Variants in MYCBPAP observed in about 807,000 individuals in gnomAD.
MYCBPAP encodes the protein MYCBP-associated protein.
MYCBPAP carries 60 observed loss-of-function variants against 106.1 expected under a neutral mutation model. The observed-to-expected ratio is 0.57, with a 90% CI of 0.46 to 0.70. The LOEUF (loss-of-function observed/expected upper bound fraction) is 0.70, where lower values mean the gene tolerates loss of function less well. MYCBPAP is among the 30% of genes least tolerant of loss of function. MYCBPAP has a pLI of 0.00. For synonymous variants in MYCBPAP, 407 were observed against 440.6 expected (o/e 0.92, Z 0.95); for missense variants, 1,064 against 1,169.3 (o/e 0.91, Z 1.31).
At chr17:50,516,725 C>T (rs761249140) in intron 2 of MYCBPAP, 28 bp downstream of exon 2, 5 of 1,612,550 alleles carry the variant, frequency 3.1e-6, no homozygotes, top group Non-Finnish European at 4.2e-6. Flanking sequence ...GCTTCCCTTA[C>T]CATAGAAACG....
chr17:50,521,798 C>T (rs867137926), intron 9 of MYCBPAP, among the ~76,000 whole-genome samples, 175 bp from the exon 10 acceptor site: 1 of 152,188 alleles, frequency 6.6e-6, no homozygotes. Flanking sequence ...TTCTAAGAAT[C>T]TCCCATCTAC....
chr17:50,525,225 T>C (rs892365966), intron 13 of MYCBPAP: 3 of 571,878 alleles, frequency 5.2e-6, no homozygotes, highest in African/African-American at 3.8e-5. Context: ...GGATGGAAAT[T>C]GTACACTCCT....
chr17:50,519,315 T>C, intron 6 of MYCBPAP: 1 of 585,772 alleles, frequency 1.7e-6, no homozygotes, highest in Non-Finnish European at 3.0e-6. Context: ...GTTATTAGAG[T>C]AGTCTTAGTG....
Position 50,524,889 on chromosome 17 carries a change from GC to G in MYCBPAP, c.1651del (p.His551MetfsTer15), listed in dbSNP as rs1215140407. On this transcript the variant is annotated frameshift_variant, in exon 13 of 19. Transcript: ENST00000323776. LOFTEE classifies it high-confidence loss of function. ...ERKVLESKLTAHEAVTVVREV... is the reference protein window; with the variant it reads ...ERKVLESKLTXHEAVTVVREV... The stretch of plus-strand genomic sequence containing the variant: ...TTCCCTTTTGCAGAGCAAGCTGACT[GC>G]CCATGAGGCAGTCACCGTCGTTCGC... 1 of 1,613,806 alleles carries G rather than the reference GC, an allele frequency of 6.2e-7. No homozygotes were observed. The highest frequency in any genetic ancestry group is 8.5e-7 in the Non-Finnish European group (1 of 1,179,930).
At chr17:50,514,043 T>G (rs1162907005) in intron 1 of MYCBPAP, among the ~76,000 whole-genome samples, 1 of 152,230 alleles carries the variant, frequency 6.6e-6, no homozygotes, top group African/African-American at 2.4e-5. Context: ...ATTTATTATT[T>G]TTTCTAATAG....
At chr17:50,518,395 C>T in intron 4 of MYCBPAP, 146 bp from the exon 5 acceptor site, 2 of 612,310 alleles carry the variant, frequency 3.3e-6, no homozygotes, top group East Asian at 6.0e-5. Context: ...GATTTATTTT[C>T]TGTCACTGGC....
In MYCBPAP at chr17:50,517,432, C is replaced by T. The variant is rs2034092670; in HGVS notation, c.344C>T (p.Thr115Ile). ...CGTCCTGCGAATCCTGATGAAGCCA[C>T]AAAGCCTCTGGACTACTCCGGTACA... ...VARPANPDEA[T>I]KPLDYSGPGD... Residue 115 changes from threonine to isoleucine, a missense_variant, in exon 3 of 19, where the codon ACA becomes ATA. Thr to Ile is a moderately conservative substitution (Grantham distance 89). Coordinates refer to ENST00000323776, the MANE Select transcript of MYCBPAP (RefSeq NM_032133.6). The T allele has an allele frequency of 8.1e-6, 13 of 1,614,094 alleles. No homozygotes were observed. Among genetic ancestry groups the T allele is most frequent in the Non-Finnish European group, 1.1e-5 (13 of 1,180,036 alleles).
In MYCBPAP at chr17:50,519,734, T is replaced by G. The variant is rs2034189508; in HGVS notation, c.863T>G (p.Leu288Arg). 1 of 1,613,978 alleles carries G rather than the reference T, an allele frequency of 6.2e-7. No individual in the cohort carries two copies. The highest frequency in any genetic ancestry group is 1.1e-5 in the South Asian group (1 of 91,056). ...VMTKTKTQRGLMEPITHIRKP... is the reference protein window; with the variant it reads ...VMTKTKTQRGRMEPITHIRKP... ...ACCAAGACAAAAACTCAGCGTGGCC[T>G]CATGGAGCCCATCACTCACATCAGG... The change falls in exon 7 of 19, where the codon CTC (leucine) becomes CGC (arginine). Residue 288 changes from leucine (L) to arginine (R), a missense_variant. By Grantham distance (102) the Leu-to-Arg change is moderately radical (BLOSUM62 -2). Transcript: ENST00000323776.
At position 50,521,231 on chromosome 17, in the gene MYCBPAP, T is replaced by C. The variant is rs2034247844; in HGVS notation, c.1032+6T>C. 6.2e-7 allele frequency: 1 copy of C among 1,608,674 alleles called. No homozygotes were observed. Among genetic ancestry groups the C allele is most frequent in the East Asian group, 2.2e-5 (1 of 44,780 alleles). On this transcript the variant is annotated splice_donor_region_variant and intron_variant, in intron 8 of 18. Coordinates refer to ENST00000323776, the MANE Select transcript of MYCBPAP (RefSeq NM_032133.6). ...AGCTGGATTTCAGCCAGCAGGTTGGTATGGCCTCCATGCCCCAGTCAGAAG... is the reference window on the plus strand; with the variant it reads ...AGCTGGATTTCAGCCAGCAGGTTGGCATGGCCTCCATGCCCCAGTCAGAAG...
In MYCBPAP at chr17:50,519,662, G is replaced by A. The variant is rs575019636; in HGVS notation, c.791G>A (p.Trp264Ter). Residue 264 changes from tryptophan to a stop codon, truncating the protein, a stop_gained, in exon 7 of 19, where the codon TGG becomes TAG. Coordinates refer to ENST00000323776, the MANE Select transcript of MYCBPAP (RefSeq NM_032133.6). LOFTEE classifies it high-confidence loss of function. ...CAGAGCTGGGAGAACAGTGGGTTCTGGAGTCGACTGGAATACTTGGGAGAT... is the reference window on the plus strand; with the variant it reads ...CAGAGCTGGGAGAACAGTGGGTTCTAGAGTCGACTGGAATACTTGGGAGAT... ...DRKSWENSGF[W>*]SRLEYLGDEM... The A allele has an allele frequency of 6.2e-7, 1 of 1,614,110 alleles. No homozygotes were observed. Among genetic ancestry groups the A allele is most frequent in the Non-Finnish European group, 8.5e-7 (1 of 1,180,032 alleles).
Position 50,526,410 on chromosome 17 carries a change from C to CTATTTATTTATT in MYCBPAP, c.2169+146_2169+147insTTATTTATTTAT, listed in dbSNP as rs773616077. Reference sequence around the variant, plus strand: ...GAAAGTGATCTCTTGGGTTATCTATCTATCTATTTATTTATTTATTTATTT... The same window carrying CTATTTATTTATT: ...GAAAGTGATCTCTTGGGTTATCTATCTATTTATTTATTTATCTATTTATTTATTTATTTATTT... On this transcript the variant is annotated intron_variant, in intron 14 of 18. Coordinates refer to ENST00000323776, the MANE Select transcript of MYCBPAP (RefSeq NM_032133.6). The CTATTTATTTATT allele has an allele frequency of 3.0e-4, 114 of 378,732 alleles. 2 individuals are homozygous for CTATTTATTTATT. In the African/African-American group the frequency reaches 3.2e-3, roughly 11 times the overall value. 23.5% of individuals were successfully genotyped at this position (378,732 alleles called of 1,614,324 possible).
chr17:50,531,208 A>C, intron 18 of MYCBPAP, 119 bp from the exon 19 acceptor site: 1 of 658,190 alleles, frequency 1.5e-6, no homozygotes, highest in Non-Finnish European at 2.4e-6. Flanking sequence ...GAACTTGTGA[A>C]ATTCTTTCAC....
Position 50,525,996 on chromosome 17 carries a change from T to C in MYCBPAP, c.1898T>C (p.Ile633Thr), listed in dbSNP as rs752712496. 2.5e-6 allele frequency: 4 copies of C among 1,613,810 alleles called. No individual in the cohort carries two copies. The Admixed American group carries it at 5.0e-5, about 20-fold the overall frequency. ...GGGGACAAGGAGCACGTCAGCCCCA[T>C]AGCCACAGAGAAGGCCTCTGTGAAT... is the stretch of plus-strand genomic sequence containing the variant. ...RPGDKEHVSP[I>T]ATEKASVNAE... Residue 633 changes from isoleucine (I) to threonine (T), a missense_variant, in exon 14 of 19, where the codon ATA becomes ACA. Transcript: ENST00000323776.
chr17:50,519,692 T>A lies in MYCBPAP; in HGVS notation c.821T>A (p.Met274Lys), dbSNP rs771772108. The part of the protein sequence containing the change: ...WSRLEYLGDE[M>K]TGLVMTKTKT... ...CGACTGGAATACTTGGGAGATGAGA[T>A]GACAGGTCTGGTCATGACCAAGACA... Residue 274 changes from methionine (M) to lysine (K), a missense_variant, in exon 7 of 19, where the codon ATG becomes AAG. Physicochemically the swap from Met to Lys is moderately conservative, Grantham distance 95. Transcript: ENST00000323776. 6.2e-7 allele frequency: 1 copy of A among 1,614,062 alleles called. No homozygotes were observed. Among genetic ancestry groups the A allele is most frequent in the South Asian group, 1.1e-5 (1 of 91,080 alleles).
At position 50,531,401 on chromosome 17, in the gene MYCBPAP, C is replaced by T. The variant is rs374604497; in HGVS notation, c.2799C>T (p.Val933=). 3 of 1,613,324 alleles carry T rather than the reference C, an allele frequency of 1.9e-6. No homozygotes were observed. The highest frequency in any genetic ancestry group is 2.2e-5 in the East Asian group (1 of 44,822). ...ATGAGCTCAGCCCCATAAAGAATGT[C>T]GAGGAGGCTTTGCGCCTCTGCAGGT... ...LADELSPIKN[V]EEALRLCR Residue 933 remains valine (V), a synonymous_variant, in exon 19 of 19, where the codon GTC becomes GTT. Transcript: ENST00000323776.
intron 10 of MYCBPAP, 104 bp from the exon 11 acceptor site, chr17:50,522,835 G>A (rs2034324642): frequency 8.7e-7 from 1 of 1,154,644 alleles, no homozygotes; most frequent in Admixed American, 2.4e-5. Context: ...TGGGACACGA[G>A]ACTTGCAGTG....
chr17:50,526,458 C>G (rs939383922), intron 14 of MYCBPAP, among the ~76,000 whole-genome samples, 191 bp downstream of exon 14: 4 of 151,774 alleles, frequency 2.6e-5, no homozygotes, highest in Non-Finnish European at 5.9e-5. Flanking sequence ...AAGTTTTGCT[C>G]TTGTTGCCCA....
intron 7 of MYCBPAP, 30 bp downstream of exon 7, chr17:50,519,817 A>G (rs773252205): frequency 6.2e-7 from 1 of 1,605,802 alleles, no homozygotes; most frequent in African/African-American, 1.3e-5. Flanking sequence ...GCCAGCTAGC[A>G]TCTTGTGCCT....
intron 1 of MYCBPAP, among the ~76,000 whole-genome samples, chr17:50,514,383 C>T (rs912000009): frequency 5.9e-5 from 9 of 152,186 alleles, no homozygotes; most frequent in Non-Finnish European, 1.2e-4. Flanking sequence ...GTTTTAAACT[C>T]CCTAAAGGCC....
Sources: allele counts gnomAD v4.1 joint callset (sites outside exome capture counted in the v4.1 genomes callset), GRCh38; gene constraint gnomAD v4.1.1; transcripts MANE v1.5; gene names NCBI Gene and HGNC (gene_info 2026-07-23, HGNC 2026-07-21).